LMO7: variants seen among roughly 807,000 people sequenced by gnomAD.
The protein encoded by LMO7 is LIM domain 7.
LMO7 carries 120 observed loss-of-function variants against 206.5 expected under a neutral mutation model. That is an observed-to-expected ratio of 0.58 (90% CI 0.50 to 0.68). LMO7 has a LOEUF of 0.68. Ranked by LOEUF, LMO7 falls within the 30% of genes least tolerant of loss-of-function variation. LMO7 has a pLI of 0.00. For missense variants in LMO7, 1,959 were observed against 1,957.9 expected (o/e 1.00, Z -0.01); for synonymous variants, 706 against 681.5 (o/e 1.04, Z -0.56).
At chr13:75,627,998 C>A (rs1250108254) in intron 2 of LMO7, 1 of 151,672 alleles carries the variant, frequency 6.6e-6, no homozygotes, top group African/African-American at 2.4e-5. Context: ...CTCTTAAGAT[C>A]TTTATAGTAG....
intron 1 of LMO7, chr13:75,622,136 C>T: frequency 4.5e-6 from 1 of 219,902 alleles, no homozygotes. Context: ...TACTATGATA[C>T]AGGCACGGAA....
intron 1 of LMO7, among the ~76,000 whole-genome samples, chr13:75,657,485 G>A (rs1189558367): frequency 1.3e-5 from 2 of 152,092 alleles, no homozygotes; most frequent in Non-Finnish European, 1.5e-5. Context: ...AACACCTGAA[G>A]CATAGTTATG....
intron 6 of LMO7, 55 bp downstream of exon 6, chr13:75,796,804 C>T (rs2054073839): frequency 1.9e-6 from 2 of 1,058,776 alleles, no homozygotes; most frequent in Non-Finnish European, 2.9e-6. Context: ...TCACTGCTTT[C>T]CCTTCCTCCT....
chr13:75,690,467 A>G (rs894728179), intron 1 of LMO7, among the ~76,000 whole-genome samples: 1 of 152,186 alleles, frequency 6.6e-6, no homozygotes, highest in African/African-American at 2.4e-5. Context: ...ATATATTTGT[A>G]TCTGTCTGAG....
At chr13:75,786,522 C>T (rs2075222614) in intron 4 of LMO7, among the ~76,000 whole-genome samples, 1 of 151,932 alleles carries the variant, frequency 6.6e-6, no homozygotes, top group Non-Finnish European at 1.5e-5. Flanking sequence ...CTACAGGCAC[C>T]AGCCACCACG....
chr13:75,648,796 C>T (rs892220580), intron 1 of LMO7, among the ~76,000 whole-genome samples: 7 of 152,182 alleles, frequency 4.6e-5, no homozygotes, highest in Non-Finnish European at 7.3e-5. Context: ...ACTTCCCTCT[C>T]AAAACATTTC....
At chr13:75,682,445 G>A (rs1462673031) in intron 1 of LMO7, among the ~76,000 whole-genome samples, 1 of 152,062 alleles carries the variant, frequency 6.6e-6, no homozygotes, top group African/African-American at 2.4e-5. Flanking sequence ...TTAAGGGGTG[G>A]AGCCTGGATG....
Position 75,853,401 on chromosome 13 carries a change from C to T in LMO7, c.4661+13C>T, listed in dbSNP as rs550744011. 10 of 1,549,256 alleles carry T rather than the reference C, an allele frequency of 6.5e-6. No individual in the cohort carries two copies. In the East Asian group the frequency reaches 1.2e-4, roughly 18 times the overall value. On this transcript the variant is annotated intron_variant, in intron 28 of 30. Coordinates refer to ENST00000377534, the MANE Select transcript of LMO7 (RefSeq NM_001306080.2). Reference sequence around the variant, plus strand: ...AGCTGCGTAACAGGTGAGGCCCTTGCTGTTTCTCTTTCTTCTCTTAGTCTT... The same window carrying T: ...AGCTGCGTAACAGGTGAGGCCCTTGTTGTTTCTCTTTCTTCTCTTAGTCTT...
intron 4 of LMO7, among the ~76,000 whole-genome samples, chr13:75,776,184 T>G (rs1451854506): frequency 2.3e-5 from 2 of 88,518 alleles, no homozygotes; most frequent in African/African-American, 7.3e-5. Context: ...TATATATATA[T>G]ATATATATAT....
At chr13:75,676,097 C>T (rs1257805465) in intron 1 of LMO7, among the ~76,000 whole-genome samples, 1 of 152,204 alleles carries the variant, frequency 6.6e-6, no homozygotes, top group African/African-American at 2.4e-5. Context: ...GTATCCTTAG[C>T]ATCCTGCCTG....
At chr13:75,684,779 A>G (rs1418516898) in intron 1 of LMO7, among the ~76,000 whole-genome samples, 1 of 151,918 alleles carries the variant, frequency 6.6e-6, no homozygotes, top group Non-Finnish European at 1.5e-5. Flanking sequence ...GTGTGTGTAT[A>G]TACGTATGTG....
rs545373430 is a variant in LMO7 at position 75,749,183 on chromosome 13, C to T, written c.211-11749C>T. 2.7e-4 allele frequency among the ~76,000 whole-genome samples: 41 copies of T among 152,276 alleles called. 1 individual carries two copies. In the East Asian group the frequency reaches 4.2e-3, roughly 16 times the overall value. On this transcript the variant is annotated intron_variant, in intron 3 of 30. Transcript: ENST00000377534. ...TATCTATATAAGTGATGCTAAAGAT[C>T]GTTGGGACAGGTTGCACTAAAGGTG...
intron 4 of LMO7, among the ~76,000 whole-genome samples, chr13:75,773,608 A>C (rs1207882097): frequency 6.6e-6 from 1 of 152,194 alleles, no homozygotes; most frequent in African/African-American, 2.4e-5. Context: ...GATTGAGCCA[A>C]GTGAAGGAGA....
intron 3 of LMO7, among the ~76,000 whole-genome samples, chr13:75,754,434 T>C (rs1413298582): frequency 6.6e-6 from 1 of 152,236 alleles, no homozygotes; most frequent in Non-Finnish European, 1.5e-5. Context: ...GGTTTGTACC[T>C]TTTGATATGT....
chr13:75,710,158 A>G (rs1197598142), intron 1 of LMO7, among the ~76,000 whole-genome samples: 4 of 152,050 alleles, frequency 2.6e-5, no homozygotes, highest in Non-Finnish European at 4.4e-5. Flanking sequence ...ATTGGTCTAT[A>G]TCTCTGTTTT....
intron 4 of LMO7, among the ~76,000 whole-genome samples, chr13:75,768,454 A>C (rs1379113991): frequency 6.6e-6 from 1 of 152,122 alleles, no homozygotes; most frequent in Non-Finnish European, 1.5e-5. Context: ...GCCTCTGTGT[A>C]TGTGGGGCCA....
At chr13:75,763,263 G>A (rs957362723) in intron 4 of LMO7, among the ~76,000 whole-genome samples, 1 of 152,010 alleles carries the variant, frequency 6.6e-6, no homozygotes, top group African/African-American at 2.4e-5. Flanking sequence ...TTTAATGCAC[G>A]GGATAGCCTC....
chr13:75,696,710 A>C (rs1251980702), intron 1 of LMO7, among the ~76,000 whole-genome samples: 1 of 152,072 alleles, frequency 6.6e-6, no homozygotes, highest in African/African-American at 2.4e-5. Context: ...TACACACTGA[A>C]CCCTGAGTTA....
intron 1 of LMO7, among the ~76,000 whole-genome samples, chr13:75,690,777 A>G (rs990668717): frequency 6.6e-6 from 1 of 152,226 alleles, no homozygotes; most frequent in African/African-American, 2.4e-5. Flanking sequence ...GTTTTCAATA[A>G]AATTGGAAAT....
Sources: allele counts gnomAD v4.1 joint callset (sites outside exome capture counted in the v4.1 genomes callset), GRCh38; gene constraint gnomAD v4.1.1; transcripts MANE v1.5; gene names NCBI Gene and HGNC (gene_info 2026-07-23, HGNC 2026-07-21).